FHOD3: variants seen among roughly 807,000 people sequenced by gnomAD.
The protein encoded by FHOD3 is formin homology 2 domain containing 3.
A neutral mutation model predicts 173.0 loss-of-function variants in FHOD3; 90 were observed. The observed-to-expected ratio is 0.52, with a 90% CI of 0.44 to 0.62. The LOEUF (loss-of-function observed/expected upper bound fraction) is 0.62. FHOD3 is among the 20% of genes least tolerant of loss of function. FHOD3 has a pLI of 0.00. For synonymous variants in FHOD3, 828 were observed against 823.0 expected, an observed-to-expected ratio of 1.01 and a Z score of -0.10; for missense variants, 1,945 against 2,034.7, an observed-to-expected ratio of 0.96 and a Z score of 0.85.
intron 3 of FHOD3, among the ~76,000 whole-genome samples, chr18:36,395,729 G>A (rs9950270): frequency 0.049 from 7,465 of 152,136 alleles, 617 homozygotes; most frequent in African/African-American, 0.17. Context: ...AATAAAAGCA[G>A]TGTTACTCTT....
intron 3 of FHOD3, among the ~76,000 whole-genome samples, chr18:36,427,783 GATATGTAA>G (rs2050327342): frequency 6.6e-6 from 1 of 152,190 alleles, no homozygotes; most frequent in Non-Finnish European, 1.5e-5. Context: ...TGGATGAATG[GATATGTAA>G]ATGATTCCAC....
chr18:36,575,084 C>T (rs2058599429), intron 5 of FHOD3, among the ~76,000 whole-genome samples: 1 of 152,190 alleles, frequency 6.6e-6, no homozygotes, highest in African/African-American at 2.4e-5. Context: ...AATTTTCCTG[C>T]CTCAGCTTCC....
intron 5 of FHOD3, among the ~76,000 whole-genome samples, chr18:36,567,896 A>G (rs927969291): frequency 6.6e-6 from 1 of 152,046 alleles, no homozygotes; most frequent in Non-Finnish European, 1.5e-5. Flanking sequence ...GTGGGGTGGA[A>G]ACTCACTCAC....
chr18:36,663,020 G>C lies in FHOD3; in HGVS notation c.1835+4832G>C, dbSNP rs371550979. ...AAGAGTAGCAATCACTTTTCTCATT[G>C]TTCTTTTTTACTTCATTTATTGTGT... is the stretch of plus-strand genomic sequence containing the variant. On this transcript the variant is annotated intron_variant, in intron 14 of 28. Coordinates refer to ENST00000590592, the MANE Select transcript of FHOD3 (RefSeq NM_001281740.3). Among the ~76,000 whole-genome samples the C allele has an allele frequency of 2.0e-5, 3 of 152,034 alleles. No homozygotes were observed. In the South Asian group the frequency reaches 6.2e-4, roughly 32 times the overall value.
At chr18:36,311,861 G>A (rs1206962071) in intron 1 of FHOD3, among the ~76,000 whole-genome samples, 2 of 152,176 alleles carry the variant, frequency 1.3e-5, no homozygotes, top group East Asian at 3.9e-4. Flanking sequence ...TTCTGGCAAT[G>A]CCAGCCCTTT....
chr18:36,368,131 A>G (rs1403334510), intron 2 of FHOD3, among the ~76,000 whole-genome samples: 1 of 151,826 alleles, frequency 6.6e-6, no homozygotes, highest in Non-Finnish European at 1.5e-5. Flanking sequence ...CATCTATGTA[A>G]TCTATCTATC....
chr18:36,365,383 C>T (rs570184082), intron 2 of FHOD3, among the ~76,000 whole-genome samples: 13 of 152,120 alleles, frequency 8.5e-5, no homozygotes, highest in Admixed American at 2.0e-4. Context: ...ATCTGATGAC[C>T]TGGAAGACAG....
At chr18:36,590,201 A>G (rs777353532) in intron 6 of FHOD3, among the ~76,000 whole-genome samples, 8 of 151,884 alleles carry the variant, frequency 5.3e-5, no homozygotes, top group South Asian at 2.1e-4. Flanking sequence ...AATGTGTCTA[A>G]CATAAGCGCA....
chr18:36,710,219 ATTAC>A (rs1427772511), intron 18 of FHOD3: 1 of 152,200 alleles, frequency 6.6e-6, no homozygotes, highest in African/African-American at 2.4e-5. Context: ...ACACCACAGG[ATTAC>A]TTTTCCTACC....
At chr18:36,577,454 C>T (rs936124306) in intron 6 of FHOD3, among the ~76,000 whole-genome samples, 1 of 152,166 alleles carries the variant, frequency 6.6e-6, no homozygotes, top group Non-Finnish European at 1.5e-5. Flanking sequence ...GCATGACCCA[C>T]CACCCTGGGC....
At chr18:36,585,107 T>C (rs1221273237) in intron 6 of FHOD3, among the ~76,000 whole-genome samples, 1 of 152,256 alleles carries the variant, frequency 6.6e-6, no homozygotes, top group Non-Finnish European at 1.5e-5. Flanking sequence ...TGTACTATTA[T>C]TCATTCGACT....
At chr18:36,352,907 G>C (rs1371528148) in intron 1 of FHOD3, among the ~76,000 whole-genome samples, 1 of 152,158 alleles carries the variant, frequency 6.6e-6, no homozygotes. Flanking sequence ...CCAGACACAT[G>C]GTCCACTGTA....
intron 19 of FHOD3, among the ~76,000 whole-genome samples, chr18:36,728,148 GA>G (rs1369573557): frequency 6.6e-6 from 1 of 152,196 alleles, no homozygotes; most frequent in Non-Finnish European, 1.5e-5. Context: ...TCCAGGGAGG[GA>G]ATTGATTTAA....
chr18:36,556,852 C>A (rs567954886), intron 5 of FHOD3, among the ~76,000 whole-genome samples: 1 of 152,278 alleles, frequency 6.6e-6, no homozygotes, highest in African/African-American at 2.4e-5. Context: ...CCTTGTAGTG[C>A]AGGTCTGCTG....
At chr18:36,672,325 A>G (rs2037583434) in intron 14 of FHOD3, among the ~76,000 whole-genome samples, 1 of 152,150 alleles carries the variant, frequency 6.6e-6, no homozygotes, top group African/African-American at 2.4e-5. Context: ...CATTTACCTC[A>G]TGATCTTATG....
intron 19 of FHOD3, among the ~76,000 whole-genome samples, chr18:36,724,789 C>T (rs924899297): frequency 6.6e-6 from 1 of 152,216 alleles, no homozygotes; most frequent in Admixed American, 6.5e-5. Context: ...TCTCCGGAGA[C>T]TGTCTTTCCT....
At chr18:36,742,964 A>G (rs2041973558) in intron 22 of FHOD3, 108 bp downstream of exon 22, 1 of 1,424,212 alleles carries the variant, frequency 7.0e-7, no homozygotes, top group African/African-American at 1.4e-5. Context: ...ACAGTGGAAC[A>G]AATGACTTTT....
intron 10 of FHOD3, among the ~76,000 whole-genome samples, chr18:36,644,859 C>T (rs1238936942): frequency 6.6e-6 from 1 of 152,162 alleles, no homozygotes; most frequent in Non-Finnish European, 1.5e-5. Flanking sequence ...CAGTCTGGCT[C>T]CAGAACCTCT....
intron 18 of FHOD3, among the ~76,000 whole-genome samples, chr18:36,715,630 C>G (rs2040407434): frequency 6.6e-6 from 1 of 152,092 alleles, no homozygotes; most frequent in South Asian, 2.1e-4. Flanking sequence ...GAGTTTACAT[C>G]CATGAAAAAG....
Sources: allele counts gnomAD v4.1 joint callset (sites outside exome capture counted in the v4.1 genomes callset), GRCh38; gene constraint gnomAD v4.1.1; transcripts MANE v1.5; gene names NCBI Gene and HGNC (gene_info 2026-07-23, HGNC 2026-07-21).